The following MTNR1A variants were observed in gnomAD, a reference collection of about 807,000 sequenced individuals.
MTNR1A encodes melatonin receptor type 1A.
A neutral mutation model predicts 5.5 loss-of-function variants in MTNR1A; 7 were observed. The ratio of observed to expected loss-of-function variants is 1.28; its 90% CI spans 0.73 to 2.40. The LOEUF is 2.40. Among genes scored for constraint, MTNR1A ranks in the 30% most tolerant of loss-of-function variants. The pLI, the probability that MTNR1A is intolerant of heterozygous loss-of-function variation, is 0.00. For missense variants in MTNR1A, 441 were observed against 464.4 expected, an observed-to-expected ratio of 0.95 and a Z score of 0.46; for synonymous variants, 196 against 202.7, an observed-to-expected ratio of 0.97 and a Z score of 0.28.
rs764207809 is a variant in MTNR1A, at chr4:186,555,338, T to C, written c.28A>G (p.Asn10Asp). 5.4e-5 allele frequency: 84 copies of C among 1,543,010 alleles called. 1 individual carries two copies. Among genetic ancestry groups the C allele is most frequent in the South Asian group, 3.5e-4 (29 of 83,526 alleles). ...CCGCGGAGCACGGGCTGGGAGGCGT[T>C]GGGCAGCGCGCTGCCGTTGCCCTGC... The part of the protein sequence containing the change: MQGNGSALP[N>D]ASQPVLRGDG... The change falls in exon 1 of 2, where the codon AAC (asparagine) becomes GAC (aspartate). Residue 10 changes from asparagine (N) to aspartate (D), a missense_variant. Physicochemically the swap from Asn to Asp is conservative, Grantham distance 23 (BLOSUM62 1). Transcript: ENST00000307161. The surrounding 1 kb of genome is among the most constrained non-coding windows in gnomAD (Gnocchi z 4.1).
chr4:186,552,414 T>C (rs1037257565), intron 1 of MTNR1A, among the ~76,000 whole-genome samples: 3 of 152,300 alleles, frequency 2.0e-5, no homozygotes, highest in Non-Finnish European at 2.9e-5. Context: ...TGCCAGATAA[T>C]TGAATTTTGA....
chr4:186,551,290 CA>C (rs1406377735), intron 1 of MTNR1A, among the ~76,000 whole-genome samples: 1 of 152,002 alleles, frequency 6.6e-6, no homozygotes, highest in African/African-American at 2.4e-5. Context: ...ATGGTTGTTA[CA>C]AAAGGGAAAA....
chr4:186,533,973 T>A lies in MTNR1A; in HGVS notation c.769A>T (p.Ile257Phe), dbSNP rs754074134. 8.1e-6 allele frequency: 13 copies of A among 1,613,904 alleles called. No individual in the cohort carries two copies. Among genetic ancestry groups the A allele is most frequent in the Middle Eastern group, 1.6e-4 (1 of 6,084 alleles). The change falls in exon 2 of 2, where the codon ATT (isoleucine) becomes TTT (phenylalanine). Residue 257 changes from isoleucine (I) to phenylalanine (F), a missense_variant. Transcript: ENST00000307161. ...GGGTCAGAGGCCACGGCCAGGCCAATGAAGTTCAGAGGAGCCCAGCAAATG... is the reference window on the plus strand; with the variant it reads ...GGGTCAGAGGCCACGGCCAGGCCAAAGAAGTTCAGAGGAGCCCAGCAAATG... Reference protein sequence around the residue: ...FAICWAPLNFIGLAVASDPAS... With the variant: ...FAICWAPLNFFGLAVASDPAS...
At position 186,533,806 on chromosome 4, in the gene MTNR1A, C is replaced by G. The variant is rs202137339; in HGVS notation, c.936G>C (p.Ser312=). 3.1e-6 allele frequency: 5 copies of G among 1,614,146 alleles called. No individual in the cohort carries two copies. The Admixed American group carries it at 8.3e-5, about 27-fold the overall frequency. ...FRKEYRRIIV[S]LCTARVFFVD... Reference sequence around the variant, plus strand: ...CAAAGAACACCCTGGCTGTACAGAGCGAGACTATAATTCTCCTGTATTCCT... The same window carrying G: ...CAAAGAACACCCTGGCTGTACAGAGGGAGACTATAATTCTCCTGTATTCCT... Residue 312 remains serine (S), a synonymous_variant, in exon 2 of 2, where the codon TCG becomes TCC. Transcript: ENST00000307161.
chr4:186,540,095 G>A (rs1736975931), intron 1 of MTNR1A, among the ~76,000 whole-genome samples: 1 of 152,198 alleles, frequency 6.6e-6, no homozygotes, highest in Admixed American at 6.5e-5. Flanking sequence ...GAGAGCTTGT[G>A]CAGGGAAACT....
At chr4:186,552,319 CTAAG>C (rs1482526330) in intron 1 of MTNR1A, among the ~76,000 whole-genome samples, 2 of 152,178 alleles carry the variant, frequency 1.3e-5, no homozygotes, top group Non-Finnish European at 2.9e-5. Flanking sequence ...TTGTGGCACT[CTAAG>C]TTAGAACAAA....
In MTNR1A at chr4:186,555,137, G is replaced by A. The variant is rs369445546; in HGVS notation, c.184+45C>T. On this transcript the variant is annotated intron_variant, in intron 1 of 1. Transcript: ENST00000307161. This position sits in a 1 kb window ranked among gnomAD's most constrained non-coding sequence, Gnocchi z 4.1. Reference sequence around the variant, plus strand: ...GAAGGCTGGCTGCCCGCGGAGAGGCGCTGCGTCCGGAGCGCTGGCCCAGGG... The same window carrying A: ...GAAGGCTGGCTGCCCGCGGAGAGGCACTGCGTCCGGAGCGCTGGCCCAGGG... 2 of 1,555,410 alleles carry A rather than the reference G, an allele frequency of 1.3e-6. No individual in the cohort carries two copies. The highest frequency in any genetic ancestry group is 1.7e-6 in the Non-Finnish European group (2 of 1,146,478).
At chr4:186,536,639 C>G (rs1457578296) in intron 1 of MTNR1A, among the ~76,000 whole-genome samples, 1 of 152,150 alleles carries the variant, frequency 6.6e-6, no homozygotes, top group Non-Finnish European at 1.5e-5. Flanking sequence ...ATTAAACTGT[C>G]ACTTCCCAAT....
chr4:186,545,901 G>A (rs1437261002), intron 1 of MTNR1A, among the ~76,000 whole-genome samples: 2 of 152,068 alleles, frequency 1.3e-5, no homozygotes. Flanking sequence ...GCTTTACTTC[G>A]AGGCATCAAA....
intron 1 of MTNR1A, among the ~76,000 whole-genome samples, chr4:186,536,073 C>A (rs973437731): frequency 6.6e-6 from 1 of 152,114 alleles, no homozygotes; most frequent in African/African-American, 2.4e-5. Context: ...TGGTTGGGCG[C>A]AGTGGCTCAC....
chr4:186,542,902 G>T (rs2111377020), intron 1 of MTNR1A, among the ~76,000 whole-genome samples: 1 of 152,184 alleles, frequency 6.6e-6, no homozygotes, highest in South Asian at 2.1e-4. Flanking sequence ...TTCAAGACCT[G>T]CCTGAGCAAC....
At chr4:186,539,505 A>T (rs1369121028) in intron 1 of MTNR1A, among the ~76,000 whole-genome samples, 1 of 152,136 alleles carries the variant, frequency 6.6e-6, no homozygotes, top group Non-Finnish European at 1.5e-5. Context: ...CGCCAATGTG[A>T]TAGTATTGAG....
At chr4:186,554,658 G>A (rs1224300809) in intron 1 of MTNR1A, among the ~76,000 whole-genome samples, 1 of 152,174 alleles carries the variant, frequency 6.6e-6, no homozygotes, top group Non-Finnish European at 1.5e-5. Flanking sequence ...TTGTTTACTT[G>A]GAGGAGCCGC....
chr4:186,540,509 GCT>G (rs1736989745), intron 1 of MTNR1A, among the ~76,000 whole-genome samples: 1 of 152,250 alleles, frequency 6.6e-6, no homozygotes, highest in Non-Finnish European at 1.5e-5. Flanking sequence ...GCAAATCTGT[GCT>G]CTCCTTTGCA....
At chr4:186,554,929 C>A (rs1737338423) in intron 1 of MTNR1A, among the ~76,000 whole-genome samples, 1 of 152,230 alleles carries the variant, frequency 6.6e-6, no homozygotes, top group Admixed American at 6.5e-5. Flanking sequence ...ACAGGACAAC[C>A]AGACGGGGGT....
intron 1 of MTNR1A, among the ~76,000 whole-genome samples, chr4:186,544,845 T>C (rs939370239): frequency 1.3e-5 from 2 of 152,218 alleles, no homozygotes; most frequent in Non-Finnish European, 2.9e-5. Context: ...CCAAAGTGTC[T>C]GTGAGTTCTG....
At position 186,533,812 on chromosome 4, in the gene MTNR1A, T is replaced by G. The variant is rs1736766149; in HGVS notation, c.930A>C (p.Ile310=). ...ACACCCTGGCTGTACAGAGCGAGAC[T>G]ATAATTCTCCTGTATTCCTTCCTGA... ...QNFRKEYRRI[I]VSLCTARVFF... Residue 310 remains isoleucine (I), a synonymous_variant, in exon 2 of 2, where the codon ATA becomes ATC. Transcript: ENST00000307161. 1.2e-6 allele frequency: 2 copies of G among 1,614,210 alleles called. No homozygotes were observed. The highest frequency in any genetic ancestry group is 1.7e-6 in the Non-Finnish European group (2 of 1,180,040).
At chr4:186,552,272 C>T (rs1225162337) in intron 1 of MTNR1A, among the ~76,000 whole-genome samples, 1 of 152,178 alleles carries the variant, frequency 6.6e-6, no homozygotes, top group Non-Finnish European at 1.5e-5. Context: ...ATTTCCTGCT[C>T]ATAATCTACA....
At chr4:186,552,920 C>T (rs534277426) in intron 1 of MTNR1A, among the ~76,000 whole-genome samples, 1 of 152,252 alleles carries the variant, frequency 6.6e-6, no homozygotes, top group African/African-American at 2.4e-5. Context: ...TGGTTGTCTG[C>T]AGCCTGCGTC....
Sources: allele counts gnomAD v4.1 joint callset (sites outside exome capture counted in the v4.1 genomes callset), GRCh38; gene constraint gnomAD v4.1.1; non-coding constraint Gnocchi (gnomAD v3.1); transcripts MANE v1.5; gene names NCBI Gene and HGNC (gene_info 2026-07-23, HGNC 2026-07-21).